The following NAV2 variants were observed in gnomAD, a reference collection of about 807,000 sequenced individuals.
NAV2 encodes the protein helicase, APC down-regulated 1.
A neutral mutation model predicts 223.2 loss-of-function variants in NAV2; 54 were observed. The ratio of observed to expected loss-of-function variants is 0.24; its 90% CI spans 0.19 to 0.30. The LOEUF (loss-of-function observed/expected upper bound fraction) is 0.30. Ranked by LOEUF, NAV2 falls within the 10% of genes least tolerant of loss-of-function variation. The probability of loss-of-function intolerance (pLI) is 1.00; values close to 1 mark genes in which losing one functional copy is unlikely to be tolerated. For missense variants in NAV2, 2,806 were observed against 3,147.5 expected, an observed-to-expected ratio of 0.89 and a Z score of 2.60; for synonymous variants, 1,279 against 1,239.3, an observed-to-expected ratio of 1.03 and a Z score of -0.67.
chr11:19,488,590 C>T (rs2042524517), intron 1 of NAV2, among the ~76,000 whole-genome samples: 1 of 152,186 alleles, frequency 6.6e-6, no homozygotes, highest in South Asian at 2.1e-4. Flanking sequence ...CATAAATCAT[C>T]AGTTGCTTTA....
upstream of NAV2, among the ~76,000 whole-genome samples, chr11:19,349,838 G>A (rs561753156): frequency 9.2e-5 from 14 of 152,172 alleles, no homozygotes; most frequent in Admixed American, 8.5e-4. Flanking sequence ...CTTCTGTGAC[G>A]TCAGCCGGGA....
At chr11:19,790,153 G>A (rs74549402) in intron 1 of NAV2, among the ~76,000 whole-genome samples, 6 of 152,244 alleles carry the variant, frequency 3.9e-5, no homozygotes, top group Middle Eastern at 3.4e-3. Context: ...TCCATTAGAC[G>A]TGCTTTGGCC....
At chr11:19,448,632 A>C (rs562467313) in intron 1 of NAV2, among the ~76,000 whole-genome samples, 1 of 152,280 alleles carries the variant, frequency 6.6e-6, no homozygotes, top group East Asian at 1.9e-4. Flanking sequence ...TCATTATGTG[A>C]ACTTGAGTTA....
chr11:20,054,022 A>T (rs890954244), intron 17 of NAV2, 58 bp from the exon 18 acceptor site: 101 of 1,531,512 alleles, frequency 6.6e-5, no homozygotes, highest in Non-Finnish European at 9.0e-5. Flanking sequence ...AGCTCCACAG[A>T]GTTCATTTTA....
intron 1 of NAV2, among the ~76,000 whole-genome samples, chr11:19,673,963 G>A (rs564281588): frequency 5.1e-4 from 78 of 152,278 alleles, no homozygotes; most frequent in Admixed American, 3.1e-3. Context: ...GCTTCTTGGG[G>A]CCAGGCGCCT....
chr11:19,417,284 G>A (rs1431420819), intron 1 of NAV2, among the ~76,000 whole-genome samples: 3 of 152,128 alleles, frequency 2.0e-5, no homozygotes, highest in African/African-American at 7.2e-5. Context: ...AGTGGGCAAA[G>A]GATATGAACA....
chr11:19,763,765 T>C (rs963598554), intron 1 of NAV2, among the ~76,000 whole-genome samples: 2 of 150,704 alleles, frequency 1.3e-5, no homozygotes, highest in Non-Finnish European at 2.9e-5. Flanking sequence ...GGAAAAAGAT[T>C]AGCGTTGTTG....
At chr11:19,678,804 C>T (rs750545941) in intron 1 of NAV2, among the ~76,000 whole-genome samples, 36 of 152,172 alleles carry the variant, frequency 2.4e-4, no homozygotes, top group Non-Finnish European at 4.9e-4. Flanking sequence ...CTGATGTGAA[C>T]AGAGAAGCAG....
intron 1 of NAV2, among the ~76,000 whole-genome samples, chr11:19,545,392 T>C (rs2044466434): frequency 6.6e-6 from 1 of 152,182 alleles, no homozygotes; most frequent in South Asian, 2.1e-4. Flanking sequence ...GCATGTGGCC[T>C]CTAAGGACGG....
At chr11:19,432,462 A>C (rs1008651005) in intron 1 of NAV2, among the ~76,000 whole-genome samples, 7 of 152,328 alleles carry the variant, frequency 4.6e-5, no homozygotes, top group Admixed American at 4.6e-4. Context: ...CTCCCTGTGG[A>C]AGTGTTGAAT....
At chr11:19,723,922 GAGCTGTCAGACCTTCCGGTGTGCA>G (rs1263769267) in intron 1 of NAV2, among the ~76,000 whole-genome samples, 2 of 152,228 alleles carry the variant, frequency 1.3e-5, no homozygotes, top group Non-Finnish European at 2.9e-5. Context: ...AAGTGTGCCA[GAGCTGTCAGACCTTCCGGTGTGCA>G]AGCTTTGATC....
At chr11:19,661,414 T>A (rs16937089) in intron 1 of NAV2, among the ~76,000 whole-genome samples, 2,062 of 152,286 alleles carry the variant, frequency 0.014, 48 homozygotes, top group African/African-American at 0.047. Context: ...GACACTCGGT[T>A]TGATGAGGTG....
intron 1 of NAV2, among the ~76,000 whole-genome samples, chr11:19,576,623 CTTG>C (rs1304825000): frequency 1.3e-5 from 2 of 152,182 alleles, no homozygotes; most frequent in Non-Finnish European, 2.9e-5. Context: ...ATATATTTAG[CTTG>C]TTGTAAAACT....
At chr11:20,029,369 C>T (rs1446390746) in intron 11 of NAV2, among the ~76,000 whole-genome samples, 1 of 152,178 alleles carries the variant, frequency 6.6e-6, no homozygotes, top group African/African-American at 2.4e-5. Flanking sequence ...AAGAAGAAAG[C>T]AGCATAGCTA....
At chr11:19,841,344 T>A (rs897936325) in intron 2 of NAV2, among the ~76,000 whole-genome samples, 2 of 152,254 alleles carry the variant, frequency 1.3e-5, no homozygotes, top group Admixed American at 6.5e-5. Flanking sequence ...TTTGAGATAA[T>A]GATTCAGGTT....
chr11:20,097,650 G>C lies in NAV2; in HGVS notation c.6086G>C (p.Gly2029Ala). The C allele has an allele frequency of 6.2e-7, 1 of 1,613,802 alleles. No homozygotes were observed. The highest frequency in any genetic ancestry group is 8.5e-7 in the Non-Finnish European group (1 of 1,179,946). ...GACAGCGTTCTTGGCTACAGCATTG[G>C]AGAAATCAAGCGCAGCAACACTTCC... Reference protein sequence around the residue: ...NSDSVLGYSIGEIKRSNTSET... With the variant: ...NSDSVLGYSIAEIKRSNTSET... The change falls in exon 31 of 38, where the codon GGA (glycine) becomes GCA (alanine). Residue 2029 changes from glycine to alanine, a missense_variant. By Grantham distance (60) the Gly-to-Ala change is moderately conservative. Around this residue, in one of 4 missense-constraint regions of NAV2, gnomAD observed 824 missense variants for 1,069.4 expected, o/e 0.77. Coordinates refer to ENST00000349880, the MANE Select transcript of NAV2 (RefSeq NM_145117.5).
At chr11:19,508,802 T>C (rs2043194873) in intron 1 of NAV2, among the ~76,000 whole-genome samples, 1 of 152,230 alleles carries the variant, frequency 6.6e-6, no homozygotes, top group Non-Finnish European at 1.5e-5. Flanking sequence ...TCTGAATTTG[T>C]TAAATAAATG....
chr11:19,478,388 GA>G (rs2042181603), intron 1 of NAV2, among the ~76,000 whole-genome samples: 1 of 152,212 alleles, frequency 6.6e-6, no homozygotes, highest in South Asian at 2.1e-4. Context: ...GTGAGAGGAT[GA>G]GGTGAGGGGA....
chr11:19,808,878 T>A (rs1304039681), intron 1 of NAV2, among the ~76,000 whole-genome samples: 1 of 152,258 alleles, frequency 6.6e-6, no homozygotes, highest in African/African-American at 2.4e-5. Context: ...TCTAGTTTAT[T>A]GATTATTAAT....
Sources: allele counts gnomAD v4.1 joint callset (sites outside exome capture counted in the v4.1 genomes callset), GRCh38; gene constraint gnomAD v4.1.1; regional missense constraint gnomAD v4.1.1; transcripts MANE v1.5; gene names NCBI Gene and HGNC (gene_info 2026-07-23, HGNC 2026-07-21).